Variants in GPC5 observed in about 807,000 individuals in gnomAD.
GPC5 encodes the protein glypican 5.
GPC5 carries 47 observed loss-of-function variants against 53.9 expected under a neutral mutation model. The observed-to-expected ratio is 0.87, with a 90% confidence interval of 0.69 to 1.11. The LOEUF (loss-of-function observed/expected upper bound fraction) is 1.11, where lower values mean the gene tolerates loss of function less well. Ranked by LOEUF, GPC5 falls within the 50% of genes most tolerant of loss-of-function variation. The probability of loss-of-function intolerance (pLI) is 0.00; values close to 1 mark genes in which losing one functional copy is unlikely to be tolerated. For synonymous variants in GPC5, 286 were observed against 263.3 expected, an observed-to-expected ratio of 1.09 and a Z score of -0.84; for missense variants, 748 against 713.1, an observed-to-expected ratio of 1.05 and a Z score of -0.56.
intron 7 of GPC5, among the ~76,000 whole-genome samples, chr13:92,658,379 G>A (rs1370592664): frequency 1.3e-5 from 2 of 152,156 alleles, no homozygotes; most frequent in Non-Finnish European, 1.5e-5. Context: ...GGACATCTAT[G>A]TTGCAAAATT....
intron 5 of GPC5, among the ~76,000 whole-genome samples, chr13:91,823,209 T>G (rs2038523438): frequency 6.6e-6 from 1 of 152,098 alleles, no homozygotes; most frequent in Admixed American, 6.6e-5. Flanking sequence ...ATTCTATTGC[T>G]TAGTTTTGGC....
At chr13:92,837,476 G>A (rs1320191289) in intron 7 of GPC5, among the ~76,000 whole-genome samples, 2 of 152,124 alleles carry the variant, frequency 1.3e-5, no homozygotes, top group Non-Finnish European at 2.9e-5. Flanking sequence ...ACTTGCACTA[G>A]TATTTGCCAG....
intron 6 of GPC5, among the ~76,000 whole-genome samples, chr13:92,090,054 G>A (rs1016423066): frequency 6.6e-6 from 1 of 152,088 alleles, no homozygotes; most frequent in African/African-American, 2.4e-5. Flanking sequence ...AAGTATGTAT[G>A]GAAGTACCTG....
At chr13:91,780,914 C>G (rs1253874641) in intron 5 of GPC5, among the ~76,000 whole-genome samples, 1 of 152,158 alleles carries the variant, frequency 6.6e-6, no homozygotes, top group African/African-American at 2.4e-5. Context: ...TGTAGCCCCC[C>G]ACTCCCTATA....
intron 7 of GPC5, among the ~76,000 whole-genome samples, chr13:92,281,526 C>T (rs961020151): frequency 6.6e-6 from 1 of 152,154 alleles, no homozygotes; most frequent in Admixed American, 6.5e-5. Flanking sequence ...CCTCACACGG[C>T]TGGGTACCCC....
intron 3 of GPC5, among the ~76,000 whole-genome samples, chr13:91,718,259 T>C (rs554626385): frequency 9.9e-5 from 15 of 152,180 alleles, no homozygotes; most frequent in South Asian, 4.1e-4. Context: ...TACAGGCGTC[T>C]GCCACCACGC....
At chr13:92,492,528 G>A (rs1461710520) in intron 7 of GPC5, among the ~76,000 whole-genome samples, 1 of 151,294 alleles carries the variant, frequency 6.6e-6, no homozygotes, top group Admixed American at 6.6e-5. Flanking sequence ...ACAGAATCAA[G>A]AAATAAATAA....
chr13:92,445,154 C>G (rs1877745971), intron 7 of GPC5, among the ~76,000 whole-genome samples: 1 of 151,390 alleles, frequency 6.6e-6, no homozygotes, highest in Admixed American at 6.6e-5. Flanking sequence ...TCCTTCCTCT[C>G]TTTTCCTTTC....
At chr13:92,311,931 A>G (rs553937994) in intron 7 of GPC5, among the ~76,000 whole-genome samples, 14 of 152,172 alleles carry the variant, frequency 9.2e-5, no homozygotes, top group Admixed American at 3.9e-4. Context: ...GAATAAAAGC[A>G]TGTGTGAAGA....
At chr13:92,268,421 C>T (rs1244830592) in intron 7 of GPC5, among the ~76,000 whole-genome samples, 4 of 151,746 alleles carry the variant, frequency 2.6e-5, no homozygotes, top group Non-Finnish European at 5.9e-5. Flanking sequence ...TAGTATCATA[C>T]AGTTTTTAAA....
intron 6 of GPC5, among the ~76,000 whole-genome samples, chr13:91,928,366 T>C (rs1188108659): frequency 6.6e-6 from 1 of 152,166 alleles, no homozygotes; most frequent in Non-Finnish European, 1.5e-5. Context: ...AAGGACTTAG[T>C]GGAATAACTC....
At chr13:91,494,046 T>A (rs981190934) in intron 2 of GPC5, among the ~76,000 whole-genome samples, 2 of 151,494 alleles carry the variant, frequency 1.3e-5, no homozygotes, top group African/African-American at 4.9e-5. Flanking sequence ...GCTAATTTTT[T>A]TTTTATTTTT....
chr13:92,738,940 T>C (rs1345941171), intron 7 of GPC5, among the ~76,000 whole-genome samples: 4 of 152,132 alleles, frequency 2.6e-5, no homozygotes, highest in Admixed American at 2.0e-4. Flanking sequence ...TACTATCTTA[T>C]TGTGACATCT....
chr13:92,339,639 G>A (rs34260755), intron 7 of GPC5, among the ~76,000 whole-genome samples: 1,524 of 152,182 alleles, frequency 0.01, 27 homozygotes, highest in Middle Eastern at 0.048. Context: ...AAAATGTTCT[G>A]TGGATGTATA....
rs553542141 is a variant in GPC5, at chr13:92,801,773, TA to T, written c.1562-64503del. ...TACTTATAAAAATTAGTTTTACATTTAAAAAATGTAAAACTAAAAAATATTA... is the reference window on the plus strand; with the variant it reads ...TACTTATAAAAATTAGTTTTACATTTAAAAATGTAAAACTAAAAAATATTA... On this transcript the variant is annotated intron_variant, in intron 7 of 7. Transcript: ENST00000377067. Among the ~76,000 whole-genome samples the T allele has an allele frequency of 2.8e-3, 423 of 151,774 alleles. 1 individual carries two copies. Among genetic ancestry groups the T allele is most frequent in the African/African-American group, 9.6e-3 (397 of 41,472 alleles).
chr13:91,417,857 C>T (rs1025933044), intron 1 of GPC5, among the ~76,000 whole-genome samples: 12 of 152,170 alleles, frequency 7.9e-5, no homozygotes, highest in Non-Finnish European at 1.6e-4. Context: ...GGGTGTGACG[C>T]AACTGACTTC....
intron 7 of GPC5, among the ~76,000 whole-genome samples, chr13:92,417,870 G>C (rs145218444): frequency 6.6e-6 from 1 of 152,128 alleles, no homozygotes; most frequent in South Asian, 2.1e-4. Context: ...TAGCTTGGGC[G>C]ACAGAGTGAG....
chr13:91,951,801 G>A (rs1317843696), intron 6 of GPC5, among the ~76,000 whole-genome samples: 3 of 152,040 alleles, frequency 2.0e-5, no homozygotes, highest in African/African-American at 7.2e-5. Flanking sequence ...TTCCGTTTTG[G>A]TCTAAAAAAT....
intron 7 of GPC5, among the ~76,000 whole-genome samples, chr13:92,509,088 C>G (rs905049573): frequency 1.1e-4 from 17 of 151,902 alleles, no homozygotes; most frequent in African/African-American, 4.1e-4. Flanking sequence ...AACAAGCACT[C>G]GAAGGAAAAA....
Sources: allele counts gnomAD v4.1 joint callset (sites outside exome capture counted in the v4.1 genomes callset), GRCh38; gene constraint gnomAD v4.1.1; transcripts MANE v1.5; gene names NCBI Gene and HGNC (gene_info 2026-07-23, HGNC 2026-07-21).